The following NEBL variants were observed in gnomAD, a reference collection of about 807,000 sequenced individuals.
NEBL encodes nebulette.
In NEBL, 122 loss-of-function variants were observed where a neutral mutation model predicts 140.2. The observed-to-expected ratio is 0.87, with a 90% CI of 0.75 to 1.01. The LOEUF (loss-of-function observed/expected upper bound fraction) is 1.01, where lower values mean the gene tolerates loss of function less well. Among genes scored for constraint, NEBL ranks in the 50% least tolerant of loss-of-function variants. NEBL has a pLI of 0.00. For missense variants in NEBL, 1,365 were observed against 1,231.3 expected (o/e 1.11, Z -1.62); for synonymous variants, 436 against 398.9 (o/e 1.09, Z -1.11).
At chr10:21,223,570 T>C (rs1600993) in intron 3 of NEBL, among the ~76,000 whole-genome samples, 4,995 of 152,308 alleles carry the variant, frequency 0.033, 298 homozygotes, top group African/African-American at 0.11. Context: ...CACCTAGCAG[T>C]GCGATTGCTG....
chr10:20,822,707 G>A (rs565729110), intron 19 of NEBL, among the ~76,000 whole-genome samples: 4 of 150,318 alleles, frequency 2.7e-5, no homozygotes, highest in South Asian at 4.3e-4. Flanking sequence ...CTATAGATAC[G>A]TATATATGTC....
intron 1 of NEBL, among the ~76,000 whole-genome samples, chr10:21,265,212 C>G (rs571677492): frequency 6.6e-6 from 1 of 152,016 alleles, no homozygotes; most frequent in Admixed American, 6.6e-5. Flanking sequence ...TGTGAGCCAC[C>G]GCACCTCTTT....
rs949934394 is a variant in NEBL, at chr10:21,174,027, C to G, written c.-194G>C. On this transcript the variant is annotated 5_prime_UTR_variant, in exon 1 of 7. Coordinates refer to the NEBL transcript ENST00000417816. Reference sequence around the variant, plus strand: ...ACGGGGCCTGGCGCCTGGGGCCGGCCGCGCTCTCGGGCTCGCAGGCGCTGG... The same window carrying G: ...ACGGGGCCTGGCGCCTGGGGCCGGCGGCGCTCTCGGGCTCGCAGGCGCTGG... 7 of 1,146,934 alleles carry G rather than the reference C, an allele frequency of 6.1e-6. No individual in the cohort carries two copies. The East Asian group carries it at 2.7e-4, about 45-fold the overall frequency. 71.0% of individuals were successfully genotyped at this position (1,146,934 alleles called of 1,614,324 possible). A position where few individuals can be genotyped will look rare whatever the true frequency, so the allele number is the denominator to read the frequency against.
At chr10:21,282,609 T>C (rs1843006778) in intron 1 of NEBL, among the ~76,000 whole-genome samples, 1 of 152,172 alleles carries the variant, frequency 6.6e-6, no homozygotes, top group African/African-American at 2.4e-5. Flanking sequence ...TAATAGGGAC[T>C]GTGCAGTGAG....
chr10:21,242,315 G>A (rs1842450518), intron 3 of NEBL, among the ~76,000 whole-genome samples: 1 of 152,206 alleles, frequency 6.6e-6, no homozygotes. Context: ...CACGTGCTTT[G>A]CAGCAACATG....
At chr10:20,880,216 G>T (rs151042481) in intron 5 of NEBL, among the ~76,000 whole-genome samples, 2,984 of 152,076 alleles carry the variant, frequency 0.02, 92 homozygotes, top group African/African-American at 0.067. Flanking sequence ...CAAAAATTAG[G>T]CCGGTGTGGT....
At chr10:20,915,562 A>G (rs1408318955) in intron 4 of NEBL, among the ~76,000 whole-genome samples, 1 of 151,678 alleles carries the variant, frequency 6.6e-6, no homozygotes, top group Non-Finnish European at 1.5e-5. Context: ...AATTTCATCC[A>G]TGTCCCTACA....
intron 2 of NEBL, among the ~76,000 whole-genome samples, chr10:21,021,370 C>G (rs890396721): frequency 1.3e-5 from 2 of 152,198 alleles, no homozygotes; most frequent in Non-Finnish European, 2.9e-5. Context: ...CTTTCAACGG[C>G]TTCCAGTTGA....
At chr10:21,143,222 G>A (rs1432105315) in intron 2 of NEBL, among the ~76,000 whole-genome samples, 1 of 152,060 alleles carries the variant, frequency 6.6e-6, no homozygotes, top group Non-Finnish European at 1.5e-5. Flanking sequence ...GCCAAGGTGG[G>A]CGGATCACTT....
chr10:20,792,123 G>GAAA (rs11286684), intron 26 of NEBL, among the ~76,000 whole-genome samples: 70 of 106,782 alleles, frequency 6.6e-4, no homozygotes, highest in Non-Finnish European at 1.2e-3. Flanking sequence ...ATTCCAAATA[G>GAAA]AAAAAAAAAA....
At chr10:21,077,198 A>G (rs1040233052) in intron 2 of NEBL, among the ~76,000 whole-genome samples, 3 of 151,918 alleles carry the variant, frequency 2.0e-5, no homozygotes, top group African/African-American at 7.3e-5. Context: ...AGTACTTAAA[A>G]CTCATGCTTA....
chr10:20,795,036 T>C (rs1836374312), intron 26 of NEBL, among the ~76,000 whole-genome samples: 1 of 152,182 alleles, frequency 6.6e-6, no homozygotes, highest in South Asian at 2.1e-4. Flanking sequence ...ACCCAAACTC[T>C]TGACTATACT....
chr10:20,850,171 A>C (rs1452045947), intron 11 of NEBL, among the ~76,000 whole-genome samples: 1 of 152,194 alleles, frequency 6.6e-6, no homozygotes, highest in African/African-American at 2.4e-5. Context: ...TTAAAAGCTC[A>C]TCTAGCTTGA....
chr10:20,827,503 C>T (rs1271356369), intron 17 of NEBL, among the ~76,000 whole-genome samples: 1 of 152,238 alleles, frequency 6.6e-6, no homozygotes, highest in African/African-American at 2.4e-5. Flanking sequence ...TGATGAGATG[C>T]TTCCTTAACT....
intron 2 of NEBL, among the ~76,000 whole-genome samples, chr10:21,025,031 CAGA>C (rs1212030518): frequency 6.6e-6 from 1 of 152,002 alleles, no homozygotes; most frequent in Non-Finnish European, 1.5e-5. Flanking sequence ...TTAAGGAAAA[CAGA>C]AGATTTCTCC....
chr10:20,895,191 C>T (rs1403971175), intron 2 of NEBL, among the ~76,000 whole-genome samples: 1 of 152,124 alleles, frequency 6.6e-6, no homozygotes, highest in Non-Finnish European at 1.5e-5. Flanking sequence ...ACTACAGTTA[C>T]CACTTTAGTC....
intron 2 of NEBL, among the ~76,000 whole-genome samples, chr10:21,085,387 C>A (rs552590409): frequency 6.6e-6 from 1 of 152,022 alleles, no homozygotes; most frequent in South Asian, 2.1e-4. Context: ...TTTGGGAAGC[C>A]GAGGCGGAAG....
chr10:20,887,825 T>C (rs902627676), intron 4 of NEBL, among the ~76,000 whole-genome samples: 1 of 152,226 alleles, frequency 6.6e-6, no homozygotes, highest in Non-Finnish European at 1.5e-5. Context: ...ATTTCATCCA[T>C]GTAAGCTGTC....
At chr10:21,008,800 T>G (rs1382124188) in intron 3 of NEBL, among the ~76,000 whole-genome samples, 1 of 152,172 alleles carries the variant, frequency 6.6e-6, no homozygotes, top group Non-Finnish European at 1.5e-5. Context: ...TTCGGTACTA[T>G]CTGCAGTTTT....
Sources: allele counts gnomAD v4.1 joint callset (sites outside exome capture counted in the v4.1 genomes callset), GRCh38; gene constraint gnomAD v4.1.1; transcripts MANE v1.5; gene names NCBI Gene and HGNC (gene_info 2026-07-23, HGNC 2026-07-21).